RAPH1: variants seen among roughly 807,000 people sequenced by gnomAD.
The protein encoded by RAPH1 is Ras association (RalGDS/AF-6) and pleckstrin homology domains 1, also known as ras-associated and pleckstrin homology domains-containing protein 1.
Under a neutral mutation model 88.1 loss-of-function variants are expected in RAPH1, and 18 were observed. The ratio of observed to expected loss-of-function variants is 0.20; its 90% CI spans 0.14 to 0.30. The LOEUF (loss-of-function observed/expected upper bound fraction) is 0.30, where lower values mean the gene tolerates loss of function less well. Ranked by LOEUF, RAPH1 falls within the 10% of genes least tolerant of loss-of-function variation. The pLI is 1.00. For synonymous variants in RAPH1, 587 were observed against 559.0 expected (o/e 1.05, Z -0.71); for missense variants, 1,448 against 1,543.2 (o/e 0.94, Z 1.03).
chr2:203,505,006 T>C (rs1432106590), intron 1 of RAPH1, among the ~76,000 whole-genome samples: 4 of 152,352 alleles, frequency 2.6e-5, no homozygotes, highest in Admixed American at 2.6e-4. Flanking sequence ...ATCAGCATTT[T>C]TGTCAAAGCC....
At position 203,503,004 on chromosome 2, in the gene RAPH1, G is replaced by C. The variant is rs189702951; in HGVS notation, c.1-7651C>G. On this transcript the variant is annotated intron_variant, in intron 1 of 13. Coordinates refer to ENST00000319170, the MANE Select transcript of RAPH1 (RefSeq NM_213589.3). ...AAAATACAAAAATTAGCTGGATGTAGTGGCTGGCAGGCACCTGTAATCCCA... is the reference window on the plus strand; with the variant it reads ...AAAATACAAAAATTAGCTGGATGTACTGGCTGGCAGGCACCTGTAATCCCA... Among the ~76,000 whole-genome samples the C allele has an allele frequency of 2.0e-5, 3 of 150,578 alleles. No homozygotes were observed. In the East Asian group the frequency reaches 6.0e-4, roughly 30 times the overall value.
chr2:203,470,511 ACATCATC>A (rs2098532114), intron 4 of RAPH1, among the ~76,000 whole-genome samples: 1 of 152,252 alleles, frequency 6.6e-6, no homozygotes, highest in Admixed American at 6.5e-5. Context: ...GGAGGTAAAG[ACATCATC>A]CGTGCCAGTA....
chr2:203,485,881 T>G (rs1271500174), intron 4 of RAPH1, among the ~76,000 whole-genome samples: 1 of 152,052 alleles, frequency 6.6e-6, no homozygotes, highest in African/African-American at 2.4e-5. Flanking sequence ...CTAGCCCAAA[T>G]GTCAATAGTG....
chr2:203,458,084 A>T (rs2098521241), intron 7 of RAPH1, among the ~76,000 whole-genome samples: 1 of 152,106 alleles, frequency 6.6e-6, no homozygotes, highest in South Asian at 2.1e-4. Context: ...TAAAAATCTG[A>T]ATTCTGGCTG....
chr2:203,445,073 G>A (rs899257500), intron 12 of RAPH1, 63 bp from the exon 13 acceptor site: 1 of 1,453,864 alleles, frequency 6.9e-7, no homozygotes, highest in African/African-American at 1.4e-5. Context: ...ATATTCATAT[G>A]TATGTCTAGT....
intron 4 of RAPH1, among the ~76,000 whole-genome samples, chr2:203,467,605 A>G (rs1365994841): frequency 6.6e-6 from 1 of 151,938 alleles, no homozygotes; most frequent in Non-Finnish European, 1.5e-5. Flanking sequence ...TCTCAAAATA[A>G]TAATAAAAAT....
intron 12 of RAPH1, 111 bp downstream of exon 12, chr2:203,447,848 A>G: frequency 8.9e-7 from 1 of 1,117,364 alleles, no homozygotes; most frequent in Non-Finnish European, 1.3e-6. Flanking sequence ...TTAGGAATTA[A>G]GTATGGCTCC....
At chr2:203,506,862 A>ATATATATC (rs1559494879) in intron 1 of RAPH1, among the ~76,000 whole-genome samples, 8 of 76,636 alleles carry the variant, frequency 1.0e-4, no homozygotes, top group African/African-American at 4.2e-4. Flanking sequence ...ATATCTATAT[A>ATATATATC]TATATATATA....
chr2:203,463,679 G>A (rs1282750994), intron 4 of RAPH1, among the ~76,000 whole-genome samples: 1 of 152,054 alleles, frequency 6.6e-6, no homozygotes, highest in Non-Finnish European at 1.5e-5. Context: ...AAATGGAGAG[G>A]GCTAAGACGA....
At chr2:203,532,990 G>C (rs1690452060) in intron 1 of RAPH1, among the ~76,000 whole-genome samples, 1 of 152,214 alleles carries the variant, frequency 6.6e-6, no homozygotes, top group South Asian at 2.1e-4. Flanking sequence ...TGTGAATAGT[G>C]TGACAGTTAT....
At chr2:203,460,505 A>G (rs774504454) in intron 6 of RAPH1, among the ~76,000 whole-genome samples, 4 of 152,202 alleles carry the variant, frequency 2.6e-5, no homozygotes, top group Non-Finnish European at 5.9e-5. Flanking sequence ...TATACTGAAC[A>G]TATGTTAAAG....
Position 203,457,520 on chromosome 2 carries a change from G to A in RAPH1, c.1158+10C>T, listed in dbSNP as rs1271293105. On this transcript the variant is annotated intron_variant, in intron 8 of 13. Coordinates refer to ENST00000319170, the MANE Select transcript of RAPH1 (RefSeq NM_213589.3). ...TTTTTAAATGTGCAGGAAAATGGGG[G>A]TTGTCATACCTCCAAGAGGACTTCT... The A allele has an allele frequency of 6.2e-7, 1 of 1,607,304 alleles. No individual in the cohort carries two copies.
intron 4 of RAPH1, among the ~76,000 whole-genome samples, chr2:203,487,537 C>G (rs1320604442): frequency 6.6e-6 from 1 of 152,076 alleles, no homozygotes; most frequent in African/African-American, 2.4e-5. Flanking sequence ...TGCGCCACCA[C>G]ATCCAACTAA....
At chr2:203,501,539 G>A (rs923725948) in intron 1 of RAPH1, among the ~76,000 whole-genome samples, 27 of 152,236 alleles carry the variant, frequency 1.8e-4, no homozygotes, top group Non-Finnish European at 3.2e-4. Flanking sequence ...AGGCCAAGGC[G>A]GGCAGACTGC....
intron 1 of RAPH1, among the ~76,000 whole-genome samples, chr2:203,506,859 T>TAC (rs1559494853): frequency 1.2e-5 from 1 of 84,028 alleles, no homozygotes; most frequent in South Asian, 3.6e-4. Flanking sequence ...TCTATATCTA[T>TAC]ATATATATAT....
chr2:203,461,318 T>C lies in RAPH1; in HGVS notation c.901A>G (p.Met301Val). 1 of 1,609,918 alleles carries C rather than the reference T, an allele frequency of 6.2e-7. No homozygotes were observed. The highest frequency in any genetic ancestry group is 1.7e-4 in the Middle Eastern group (1 of 6,046). The change falls in exon 6 of 14, where the codon ATG (methionine) becomes GTG (valine). Residue 301 changes from methionine to valine, a missense_variant. Coordinates refer to ENST00000319170, the MANE Select transcript of RAPH1 (RefSeq NM_213589.3). ...QTVRQVLDNL[M>V]DKSHCGYSLD... Reference sequence around the variant, plus strand: ...CTATAACCGCAGTGGGATTTGTCCATCAGGTTATCCAGTACTTGTCTTACT... The same window carrying C: ...CTATAACCGCAGTGGGATTTGTCCACCAGGTTATCCAGTACTTGTCTTACT...
rs1306861127 is a variant in RAPH1, at chr2:203,454,363, A to T, written c.1413+67T>A. ...TAATTGATGGAATCTCAACAGTTCT[A>T]AAATATCCAATAACCTGCTCTATGT... On this transcript the variant is annotated intron_variant, in intron 10 of 13. Coordinates refer to ENST00000319170, the MANE Select transcript of RAPH1 (RefSeq NM_213589.3). The T allele has an allele frequency of 7.4e-6, 8 of 1,075,138 alleles. No individual in the cohort carries two copies. The Admixed American group carries it at 1.6e-4, about 21-fold the overall frequency. The allele number at this position is 1,075,138 out of a possible 1,614,324, so 66.6% of individuals were successfully genotyped here. A position where few individuals can be genotyped will look rare whatever the true frequency, so the allele number is the denominator to read the frequency against.
intron 7 of RAPH1, among the ~76,000 whole-genome samples, chr2:203,457,797 C>T (rs955735366): frequency 2.6e-5 from 4 of 152,168 alleles, no homozygotes; most frequent in Admixed American, 2.6e-4. Flanking sequence ...ATGCTTAACA[C>T]CAGTCTCCTC....
rs2098511468 is a variant in RAPH1 at position 203,447,966 on chromosome 2, G to A, written c.1626C>T (p.Ser542=). 1.7e-5 allele frequency: 27 copies of A among 1,613,794 alleles called. No homozygotes were observed. The highest frequency in any genetic ancestry group is 2.2e-5 in the Non-Finnish European group (26 of 1,179,880). ...TGAAGCATTTTGAACTACCTGGGAT[G>A]CTGGAAGAACTGGATCCCGATTTAA... ...SSIKSGSSSS[S]IPESQSNHSN... The change falls in exon 12 of 14, where the codon AGC becomes AGT. Residue 542 remains serine (S), a synonymous_variant. Transcript: ENST00000319170.
Sources: allele counts gnomAD v4.1 joint callset (sites outside exome capture counted in the v4.1 genomes callset), GRCh38; gene constraint gnomAD v4.1.1; transcripts MANE v1.5; gene names NCBI Gene and HGNC (gene_info 2026-07-23, HGNC 2026-07-21).